LRRC28: variants seen among roughly 807,000 people sequenced by gnomAD.
LRRC28 encodes the protein leucine-rich repeat-containing protein 28.
LRRC28 carries 39 observed loss-of-function variants against 45.7 expected under a neutral mutation model. That is an observed-to-expected ratio of 0.85 (90% CI 0.66 to 1.12). LRRC28 has a LOEUF of 1.12. Among genes scored for constraint, LRRC28 ranks in the 50% most tolerant of loss-of-function variants. The probability of loss-of-function intolerance (pLI) is 0.00; values close to 1 mark genes in which losing one functional copy is unlikely to be tolerated. For synonymous variants in LRRC28, 206 were observed against 178.8 expected, an observed-to-expected ratio of 1.15 and a Z score of -1.22; for missense variants, 435 against 438.5, an observed-to-expected ratio of 0.99 and a Z score of 0.07.
chr15:99,339,707 A>T (rs1956441929), intron 6 of LRRC28, among the ~76,000 whole-genome samples: 1 of 147,770 alleles, frequency 6.8e-6, no homozygotes, highest in East Asian at 1.9e-4. Context: ...CCTGAGCAAC[A>T]GAGTGAGAAA....
At chr15:99,288,826 C>A (rs907376738) in intron 5 of LRRC28, among the ~76,000 whole-genome samples, 1 of 152,018 alleles carries the variant, frequency 6.6e-6, no homozygotes, top group African/African-American at 2.4e-5. Flanking sequence ...ACTACAGGCA[C>A]GTGAAGCCAT....
In LRRC28 at chr15:99,389,500, A is replaced by G. The variant is rs995002036; in HGVS notation, c.*3398A>G. 3.3e-5 allele frequency: 5 copies of G among 152,244 alleles called. No individual in the cohort carries two copies. Among genetic ancestry groups the G allele is most frequent in the African/African-American group, 4.8e-5 (2 of 41,450 alleles). 9.4% of individuals were successfully genotyped at this position (152,244 alleles called of 1,614,324 possible). A position where few individuals can be genotyped will look rare whatever the true frequency, so the allele number is the denominator to read the frequency against. ...CTTAAACACAATACATTGCCTCAGCATAAATAAAAACATTTTTATTAAGAT... is the reference window on the plus strand; with the variant it reads ...CTTAAACACAATACATTGCCTCAGCGTAAATAAAAACATTTTTATTAAGAT... On this transcript the variant is annotated 3_prime_UTR_variant, in exon 10 of 10. Coordinates refer to ENST00000301981, the MANE Select transcript of LRRC28 (RefSeq NM_144598.5).
Position 99,361,438 on chromosome 15 carries a change from G to T in LRRC28, c.798G>T (p.Glu266Asp). The change falls in exon 8 of 10, where the codon GAG becomes GAT. Residue 266 changes from glutamate to aspartate, a missense_variant. Transcript: ENST00000301981. ...LPAEVKAIGT[E>D]HDHVLPLQEL... ...CTGAGGTGAAGGCCATAGGGACGGA[G>T]CATGATCACGTCCTCCCTCTGCAGG... 1.2e-6 allele frequency: 2 copies of T among 1,613,994 alleles called. No homozygotes were observed. The highest frequency in any genetic ancestry group is 1.7e-6 in the Non-Finnish European group (2 of 1,179,954).
chr15:99,296,272 G>A (rs1409752204), intron 5 of LRRC28, among the ~76,000 whole-genome samples: 1 of 152,190 alleles, frequency 6.6e-6, no homozygotes, highest in East Asian at 1.9e-4. Flanking sequence ...GGAACACTGG[G>A]TCAGCCCTGG....
At chr15:99,287,316 T>C (rs1210048978) in intron 4 of LRRC28, 22 bp downstream of exon 4, 1 of 1,497,674 alleles carries the variant, frequency 6.7e-7, no homozygotes, top group Non-Finnish European at 9.0e-7. Context: ...TTAAAAATTT[T>C]AGTTAGAAGA....
intron 9 of LRRC28, among the ~76,000 whole-genome samples, chr15:99,365,919 A>G (rs1352717299): frequency 1.3e-5 from 2 of 152,240 alleles, no homozygotes; most frequent in African/African-American, 4.8e-5. Flanking sequence ...TAGGCATAGC[A>G]AATTTTCACT....
At chr15:99,284,568 CT>C (rs1204894690) in intron 3 of LRRC28, 5 of 463,678 alleles carry the variant, frequency 1.1e-5, no homozygotes, top group Non-Finnish European at 2.2e-5. Context: ...TGTAGCTTCC[CT>C]GTCACTTCTC....
At chr15:99,342,060 C>G (rs1265409625) in intron 6 of LRRC28, among the ~76,000 whole-genome samples, 2 of 152,198 alleles carry the variant, frequency 1.3e-5, no homozygotes, top group African/African-American at 4.8e-5. Context: ...GGACAGTCAG[C>G]CTGTTTCCTT....
intron 9 of LRRC28, among the ~76,000 whole-genome samples, chr15:99,374,453 C>T (rs983695830): frequency 6.6e-6 from 1 of 152,198 alleles, no homozygotes; most frequent in Non-Finnish European, 1.5e-5. Flanking sequence ...GTATATCTTA[C>T]AGCCTTGCTG....
At chr15:99,282,031 A>C (rs2152192711) in intron 3 of LRRC28, among the ~76,000 whole-genome samples, 1 of 152,116 alleles carries the variant, frequency 6.6e-6, no homozygotes, top group East Asian at 1.9e-4. Context: ...TCCTCAAGTG[A>C]TCCTCCTGCT....
intron 5 of LRRC28, among the ~76,000 whole-genome samples, chr15:99,323,335 G>T (rs1459954082): frequency 6.6e-6 from 1 of 152,076 alleles, no homozygotes; most frequent in Non-Finnish European, 1.5e-5. Context: ...AGAGAGTCAG[G>T]TTAAACTCCT....
rs193130594 is a variant in LRRC28, at chr15:99,324,172, T to G, written c.386-9751T>G. ...GGAGCTAATACCCTAAATGACTAAG[T>G]GACTAATGGGCGAGGAGGGTAGACA... On this transcript the variant is annotated intron_variant, in intron 5 of 9. Coordinates refer to ENST00000301981, the MANE Select transcript of LRRC28 (RefSeq NM_144598.5). Among the ~76,000 whole-genome samples the G allele has an allele frequency of 9.4e-4, 143 of 152,194 alleles. 1 individual carries two copies. Among genetic ancestry groups the G allele is most frequent in the Non-Finnish European group, 1.7e-3 (119 of 68,018 alleles).
At chr15:99,258,423 T>G in intron 2 of LRRC28, 4 of 916,446 alleles carry the variant, frequency 4.4e-6, no homozygotes, top group Middle Eastern at 2.1e-4. Flanking sequence ...AAAAATCTCA[T>G]CAAAAATATT....
intron 5 of LRRC28, among the ~76,000 whole-genome samples, chr15:99,306,241 T>C (rs1015213295): frequency 2.0e-5 from 3 of 152,184 alleles, no homozygotes; most frequent in African/African-American, 7.2e-5. Context: ...GAAATAAAAC[T>C]GTGCACGACT....
At chr15:99,331,932 T>G (rs927948334) in intron 5 of LRRC28, 1 of 152,208 alleles carries the variant, frequency 6.6e-6, no homozygotes, top group Non-Finnish European at 1.5e-5. Context: ...TCACATAACC[T>G]TCTCTGAGCT....
chr15:99,303,292 C>G (rs923834656), intron 5 of LRRC28, among the ~76,000 whole-genome samples: 4 of 152,154 alleles, frequency 2.6e-5, no homozygotes, highest in Non-Finnish European at 1.5e-5. Context: ...CAAATATTAA[C>G]TATGCCTATC....
chr15:99,362,976 A>G (rs1957244114), intron 8 of LRRC28, 130 bp from the exon 9 acceptor site: 1 of 1,009,558 alleles, frequency 9.9e-7, no homozygotes, highest in Non-Finnish European at 1.4e-6. Flanking sequence ...TGTATCAATC[A>G]GATAACAGAA....
intron 5 of LRRC28, among the ~76,000 whole-genome samples, chr15:99,318,793 A>G (rs1267317136): frequency 6.6e-6 from 1 of 152,042 alleles, no homozygotes; most frequent in Non-Finnish European, 1.5e-5. Context: ...GAAGTATTTT[A>G]ATTGAGAGAT....
At chr15:99,259,449 A>G (rs1480258992) in intron 2 of LRRC28, 3 of 1,299,998 alleles carry the variant, frequency 2.3e-6, no homozygotes, top group East Asian at 4.6e-5. Flanking sequence ...GAAGCAGTTG[A>G]GAAAGAATTT....
Sources: allele counts gnomAD v4.1 joint callset (sites outside exome capture counted in the v4.1 genomes callset), GRCh38; gene constraint gnomAD v4.1.1; transcripts MANE v1.5; gene names NCBI Gene and HGNC (gene_info 2026-07-23, HGNC 2026-07-21).